CNOT6L: variants seen among roughly 807,000 people sequenced by gnomAD.
CNOT6L encodes CCR4-NOT transcription complex subunit 6 like.
CNOT6L carries 7 observed loss-of-function variants against 64.0 expected under a neutral mutation model. That is an observed-to-expected ratio of 0.11 (90% confidence interval 0.06 to 0.21). The LOEUF is 0.21. Among genes scored for constraint, CNOT6L ranks in the 10% least tolerant of loss-of-function variants. The pLI is 1.00. For missense variants in CNOT6L, 245 were observed against 669.0 expected (o/e 0.37, Z 6.99); for synonymous variants, 193 against 243.4 (o/e 0.79, Z 1.93).
At chr4:77,768,134 TA>T (rs1727076928) in intron 4 of CNOT6L, among the ~76,000 whole-genome samples, 1 of 151,926 alleles carries the variant, frequency 6.6e-6, no homozygotes. Flanking sequence ...ATGTACTAAC[TA>T]CAAGAGAAAA....
intron 4 of CNOT6L, among the ~76,000 whole-genome samples, chr4:77,759,036 A>G (rs1349655721): frequency 6.6e-6 from 1 of 151,926 alleles, no homozygotes; most frequent in African/African-American, 2.4e-5. Flanking sequence ...CCACTACATC[A>G]ACACCTACAG....
chr4:77,790,229 T>C (rs965522984), intron 1 of CNOT6L, among the ~76,000 whole-genome samples: 8 of 152,200 alleles, frequency 5.3e-5, no homozygotes, highest in African/African-American at 1.9e-4. Context: ...TGTCTTTTCA[T>C]AGCTTGATAG....
At chr4:77,728,514 C>T (rs1307248608) in intron 10 of CNOT6L, among the ~76,000 whole-genome samples, 1 of 152,190 alleles carries the variant, frequency 6.6e-6, no homozygotes, top group Non-Finnish European at 1.5e-5. Context: ...GCCATCACTC[C>T]TATTATGTGG....
chr4:77,744,239 A>C (rs17408624), intron 7 of CNOT6L, among the ~76,000 whole-genome samples: 10 of 152,110 alleles, frequency 6.6e-5, no homozygotes, highest in Admixed American at 1.3e-4. Context: ...AAACAGAAGA[A>C]TCTAAATTTC....
intron 4 of CNOT6L, among the ~76,000 whole-genome samples, chr4:77,767,852 G>A (rs186280119): frequency 9.7e-4 from 148 of 151,944 alleles, no homozygotes; most frequent in African/African-American, 3.4e-3. Context: ...GGTGGCGGGA[G>A]CCTGTAATCC....
Position 77,723,467 on chromosome 4 carries a change from C to CT in CNOT6L, c.1455+2699dup, listed in dbSNP as rs201484816. Among the ~76,000 whole-genome samples the CT allele has an allele frequency of 1.8e-3, 277 of 152,186 alleles. 3 individuals are homozygous for CT. The highest frequency in any genetic ancestry group is 6.0e-3 in the African/African-American group (250 of 41,504). On this transcript the variant is annotated intron_variant, in intron 11 of 11. Transcript: ENST00000504123. ...CATTTTATATTTGATGTTACCTACC[C>CT]TTTTTTACTGATTGCTTTCAATACT...
At position 77,720,431 on chromosome 4, in the gene CNOT6L, C is replaced by T. The variant is rs776031636; in HGVS notation, c.1668G>A (p.Ter556=). Residue 556 remains the stop codon, a stop_retained_variant, in exon 12 of 12, where the codon TAG becomes TAA. Transcript: ENST00000504123. ...VNGVHLPNRR[*] ...CCCGTCTTGGCGGGGCAGTACTCCA[C>T]TACCTCCGATTAGGCAAGTGAACAC... The T allele has an allele frequency of 8.1e-6, 13 of 1,613,360 alleles. No homozygotes were observed. The South Asian group carries it at 1.1e-4, about 14-fold the overall frequency.
intron 3 of CNOT6L, among the ~76,000 whole-genome samples, chr4:77,773,723 GAAGAC>G (rs1412824656): frequency 2.6e-5 from 4 of 151,394 alleles, no homozygotes; most frequent in Non-Finnish European, 4.4e-5. Context: ...GTATATTAAA[GAAGAC>G]AAAAGAAAAT....
At chr4:77,784,129 T>C (rs1424797005) in intron 1 of CNOT6L, among the ~76,000 whole-genome samples, 1 of 152,110 alleles carries the variant, frequency 6.6e-6, no homozygotes, top group Non-Finnish European at 1.5e-5. Context: ...AGTCTAATCG[T>C]CAGTTACAGT....
intron 2 of CNOT6L, 114 bp downstream of exon 2, chr4:77,776,157 G>T: frequency 1.0e-6 from 1 of 992,800 alleles, no homozygotes; most frequent in Non-Finnish European, 1.5e-6. Context: ...TTACCATCTT[G>T]TAGTTTTTCA....
At chr4:77,806,632 G>C (rs966332270) in intron 1 of CNOT6L, among the ~76,000 whole-genome samples, 2 of 152,074 alleles carry the variant, frequency 1.3e-5, no homozygotes, top group African/African-American at 4.8e-5. Flanking sequence ...TGTATTAAGA[G>C]AACCCAAGTT....
chr4:77,816,878 T>C (rs1733639918), intron 1 of CNOT6L, among the ~76,000 whole-genome samples: 1 of 152,258 alleles, frequency 6.6e-6, no homozygotes, highest in African/African-American at 2.4e-5. Flanking sequence ...CATGACATTA[T>C]TTTTTCCACA....
rs1721079851 is a variant in CNOT6L at position 77,719,582 on chromosome 4, A to G, written c.*849T>C. 1 of 152,630 alleles carries G rather than the reference A, an allele frequency of 6.6e-6. No homozygotes were observed. Among genetic ancestry groups the G allele is most frequent in the Non-Finnish European group, 1.5e-5 (1 of 68,040 alleles). 9.5% of individuals were successfully genotyped at this position (152,630 alleles called of 1,614,324 possible). On this transcript the variant is annotated 3_prime_UTR_variant, in exon 12 of 12. Transcript: ENST00000504123. ...ACATCTGTTTTCCTGGCACAACCAG[A>G]CAGAAGGTTGAATTGGAATAAGGAA...
rs748592698 is a variant in CNOT6L, at chr4:77,715,656, T to A, written c.*4775A>T. 1 of 152,556 alleles carries A rather than the reference T, an allele frequency of 6.6e-6. No homozygotes were observed. The highest frequency in any genetic ancestry group is 1.5e-5 in the Non-Finnish European group (1 of 68,006). 9.5% of individuals were successfully genotyped at this position (152,556 alleles called of 1,614,324 possible). A position where few individuals can be genotyped will look rare whatever the true frequency, so the allele number is the denominator to read the frequency against. On this transcript the variant is annotated 3_prime_UTR_variant, in exon 12 of 12. Coordinates refer to ENST00000504123, the MANE Select transcript of CNOT6L (RefSeq NM_144571.3). The stretch of plus-strand genomic sequence containing the variant: ...AGGTATTTGGTTAAAACAAGAAATA[T>A]GCATGCTCTTCCTTACCACCTTCCT...
intron 1 of CNOT6L, among the ~76,000 whole-genome samples, chr4:77,799,928 T>C (rs1731321431): frequency 6.6e-6 from 1 of 152,138 alleles, no homozygotes; most frequent in Non-Finnish European, 1.5e-5. Flanking sequence ...TCTTTTTCCT[T>C]TTCCTACCTT....
chr4:77,760,860 CTTTTT>C (rs754195745), intron 4 of CNOT6L, among the ~76,000 whole-genome samples: 21 of 29,974 alleles, frequency 7.0e-4, no homozygotes, highest in African/African-American at 1.9e-3. Flanking sequence ...CCATGCCTGG[CTTTTT>C]TTTTTTTTTT....
At chr4:77,819,910 C>T (rs1236698534), upstream of CNOT6L, among the ~76,000 whole-genome samples, 1 of 151,398 alleles carries the variant, frequency 6.6e-6, no homozygotes, top group East Asian at 2.0e-4. Flanking sequence ...CCCAGGCGCG[C>T]AAGAGAGGCC....
Position 77,773,255 on chromosome 4 carries a change from C to T in CNOT6L, c.315-89G>A, listed in dbSNP as rs535788227. 9.6e-6 allele frequency: 7 copies of T among 727,348 alleles called. No individual in the cohort carries two copies. The East Asian group carries it at 2.0e-4, about 21-fold the overall frequency. 45.1% of individuals were successfully genotyped at this position (727,348 alleles called of 1,614,324 possible). A position where few individuals can be genotyped will look rare whatever the true frequency, so the allele number is the denominator to read the frequency against. ...CATTCTTAAGGCTCCTTCTAACATA[C>T]TATGAGTGATTGTTTATATTCAAGG... On this transcript the variant is annotated intron_variant, in intron 3 of 11. Transcript: ENST00000504123.
At chr4:77,789,321 C>A (rs1308314099) in intron 1 of CNOT6L, among the ~76,000 whole-genome samples, 10 of 152,036 alleles carry the variant, frequency 6.6e-5, no homozygotes, top group Non-Finnish European at 1.5e-5. Context: ...AACCCCGCCC[C>A]AATGCAATCA....
Sources: allele counts gnomAD v4.1 joint callset (sites outside exome capture counted in the v4.1 genomes callset), GRCh38; gene constraint gnomAD v4.1.1; transcripts MANE v1.5; gene names NCBI Gene and HGNC (gene_info 2026-07-23, HGNC 2026-07-21).